RXYLT1: variants seen among roughly 807,000 people sequenced by gnomAD.
The protein encoded by RXYLT1 is ribitol-5-phosphate xylosyltransferase 1.
A neutral mutation model predicts 43.5 loss-of-function variants in RXYLT1; 41 were observed. The observed-to-expected ratio is 0.94, with a 90% confidence interval of 0.73 to 1.22. The LOEUF (loss-of-function observed/expected upper bound fraction) is 1.22. Ranked by LOEUF, RXYLT1 falls within the 50% of genes most tolerant of loss-of-function variation. The pLI is 0.00. For missense variants in RXYLT1, 514 were observed against 532.0 expected, an observed-to-expected ratio of 0.97 and a Z score of 0.33; for synonymous variants, 166 against 194.4, an observed-to-expected ratio of 0.85 and a Z score of 1.21.
chr12:63,788,089 T>C (rs1329720330), intron 3 of RXYLT1, among the ~76,000 whole-genome samples: 3 of 152,184 alleles, frequency 2.0e-5, no homozygotes, highest in Admixed American at 2.0e-4. Flanking sequence ...GCAGTAATAT[T>C]TTGAAAGGAA....
intron 3 of RXYLT1, among the ~76,000 whole-genome samples, chr12:63,785,541 C>G (rs890289321): frequency 6.6e-6 from 1 of 151,990 alleles, no homozygotes; most frequent in South Asian, 2.1e-4. Context: ...TGAGTTCTAT[C>G]AGGATTTATT....
intron 3 of RXYLT1, among the ~76,000 whole-genome samples, chr12:63,799,302 C>CTTTTT (rs11312130): frequency 2.3e-3 from 167 of 71,524 alleles, no homozygotes; most frequent in Non-Finnish European, 2.7e-3. Context: ...CTTTTCTTTT[C>CTTTTT]TTTTTTTTTT....
At chr12:63,788,160 T>G (rs1897847493) in intron 3 of RXYLT1, among the ~76,000 whole-genome samples, 2 of 152,226 alleles carry the variant, frequency 1.3e-5, no homozygotes, top group Admixed American at 1.3e-4. Flanking sequence ...AACCATGCTG[T>G]GAACAGATGT....
At chr12:63,794,609 G>T (rs999142464) in intron 3 of RXYLT1, among the ~76,000 whole-genome samples, 3 of 152,054 alleles carry the variant, frequency 2.0e-5, no homozygotes, top group African/African-American at 7.2e-5. Context: ...TATTTGTAAA[G>T]TTATTAATTT....
chr12:63,809,202 A>ACTC lies in RXYLT1; in HGVS notation c.*111_*113dup. 2 of 783,018 alleles carry ACTC rather than the reference A, an allele frequency of 2.6e-6. No individual in the cohort carries two copies. The highest frequency in any genetic ancestry group is 3.9e-6 in the Non-Finnish European group (2 of 510,948). The allele number at this position is 783,018 out of a possible 1,614,324, so 48.5% of individuals were successfully genotyped here. On this transcript the variant is annotated 3_prime_UTR_variant, in exon 6 of 6. Transcript: ENST00000261234. The stretch of plus-strand genomic sequence containing the variant: ...GATGTTCTTTAAGGTACCCTTGAAA[A>ACTC]CTCTACATTATGTATGCCACATAAT...
At chr12:63,804,739 A>G (rs1197053793) in intron 4 of RXYLT1, 1 of 152,600 alleles carries the variant, frequency 6.6e-6, no homozygotes, top group Non-Finnish European at 1.5e-5. Context: ...TAGTCACCCT[A>G]TTCTGTGTGA....
chr12:63,785,973 AG>A (rs1897791799), intron 3 of RXYLT1, among the ~76,000 whole-genome samples: 1 of 152,096 alleles, frequency 6.6e-6, no homozygotes, highest in Non-Finnish European at 1.5e-5. Flanking sequence ...AAAGTTAAAA[AG>A]TAAACAGGTT....
chr12:63,792,692 A>C (rs889492456), intron 3 of RXYLT1, among the ~76,000 whole-genome samples: 2 of 152,210 alleles, frequency 1.3e-5, no homozygotes, highest in African/African-American at 2.4e-5. Context: ...TACAGATATT[A>C]GCTCAGTGAA....
At chr12:63,783,331 C>T (rs1366837005) in intron 2 of RXYLT1, among the ~76,000 whole-genome samples, 2 of 152,024 alleles carry the variant, frequency 1.3e-5, no homozygotes, top group South Asian at 2.1e-4. Context: ...CATTGTGGCA[C>T]GTGCCTGTAA....
At chr12:63,780,457 C>T (rs1897654073) in intron 1 of RXYLT1, 1 of 1,164,766 alleles carries the variant, frequency 8.6e-7, no homozygotes, top group Non-Finnish European at 1.1e-6. Context: ...TCAAAATCGC[C>T]GCAAGGTTTA....
intron 2 of RXYLT1, among the ~76,000 whole-genome samples, chr12:63,781,940 T>G (rs958043930): frequency 2.6e-5 from 4 of 152,228 alleles, no homozygotes; most frequent in African/African-American, 2.4e-5. Flanking sequence ...CATACTTACA[T>G]ACAAGTATAT....
At chr12:63,795,471 T>G (rs1423638310) in intron 3 of RXYLT1, 1 of 151,070 alleles carries the variant, frequency 6.6e-6, no homozygotes, top group Non-Finnish European at 1.5e-5. Flanking sequence ...CACAAACCTG[T>G]AGTCCCAGCT....
intron 3 of RXYLT1, among the ~76,000 whole-genome samples, chr12:63,797,394 T>C (rs1898059684): frequency 1.3e-5 from 2 of 152,322 alleles, no homozygotes; most frequent in South Asian, 4.1e-4. Flanking sequence ...GTGTGGGGCC[T>C]ATCAACAAAT....
chr12:63,784,878 T>A (rs1897765341), intron 2 of RXYLT1, 92 bp from the exon 3 acceptor site: 1 of 1,085,466 alleles, frequency 9.2e-7, no homozygotes, highest in African/African-American at 1.6e-5. Flanking sequence ...TATAGTCAAA[T>A]GAGTAAAAGA....
intron 2 of RXYLT1, among the ~76,000 whole-genome samples, chr12:63,782,201 A>G (rs1280894239): frequency 6.6e-6 from 1 of 152,010 alleles, no homozygotes; most frequent in Non-Finnish European, 1.5e-5. Flanking sequence ...TGATCAGCCT[A>G]TTCTCTAGAC....
At chr12:63,802,627 T>C (rs1898189496) in intron 4 of RXYLT1, among the ~76,000 whole-genome samples, 1 of 152,192 alleles carries the variant, frequency 6.6e-6, no homozygotes, top group African/African-American at 2.4e-5. Context: ...GTTACTTTTT[T>C]TCTTTTAAAA....
intron 5 of RXYLT1, chr12:63,807,933 G>A (rs945047504): frequency 6.6e-6 from 1 of 152,350 alleles, no homozygotes; most frequent in Non-Finnish European, 1.5e-5. Context: ...CAACACAATA[G>A]CCAGATTGAT....
intron 3 of RXYLT1, among the ~76,000 whole-genome samples, chr12:63,798,908 TAA>T (rs1027835602): frequency 6.6e-6 from 1 of 152,240 alleles, no homozygotes; most frequent in Non-Finnish European, 1.5e-5. Flanking sequence ...TGTATTTTTT[TAA>T]GTCACTTTTA....
At chr12:63,796,710 ATTGT>A (rs1898039206) in intron 3 of RXYLT1, among the ~76,000 whole-genome samples, 1 of 152,198 alleles carries the variant, frequency 6.6e-6, no homozygotes, top group Non-Finnish European at 1.5e-5. Context: ...AAAGAATTAA[ATTGT>A]TTGTTATATG....
Sources: gnomAD v4.1 joint callset for allele counts (sites outside exome capture counted in the v4.1 genomes callset) on GRCh38, gnomAD v4.1.1 for gene constraint, MANE v1.5 for transcripts, NCBI Gene and HGNC (gene_info 2026-07-23, HGNC 2026-07-21) for gene names.